Variants in LRRIQ1 observed in about 807,000 individuals in gnomAD.
LRRIQ1 encodes the protein leucine-rich repeat- and IQ domain-containing protein 1.
In LRRIQ1, 210 loss-of-function variants were observed where a neutral mutation model predicts 211.9. The observed-to-expected ratio is 0.99, with a 90% CI of 0.89 to 1.11. The LOEUF (loss-of-function observed/expected upper bound fraction) is 1.11. Among genes scored for constraint, LRRIQ1 ranks in the 50% most tolerant of loss-of-function variants. LRRIQ1 has a pLI of 0.00. For synonymous variants in LRRIQ1, 699 were observed against 650.1 expected (o/e 1.08, Z -1.14); for missense variants, 2,136 against 1,939.5 (o/e 1.10, Z -1.90).
At chr12:85,042,059 T>C (rs1408365716) in intron 3 of LRRIQ1, among the ~76,000 whole-genome samples, 1 of 151,962 alleles carries the variant, frequency 6.6e-6, no homozygotes, top group African/African-American at 2.4e-5. Context: ...GTTTTGTTTA[T>C]TTTTACTCAG....
chr12:85,207,419 G>A (rs1893614321), intron 24 of LRRIQ1, among the ~76,000 whole-genome samples: 1 of 152,000 alleles, frequency 6.6e-6, no homozygotes, highest in South Asian at 2.1e-4. Flanking sequence ...GTGTATTTTT[G>A]ATAACAGTCC....
chr12:85,196,375 C>A (rs1484761886), intron 24 of LRRIQ1, among the ~76,000 whole-genome samples: 1 of 152,104 alleles, frequency 6.6e-6, no homozygotes. Context: ...CCAAGTCAAT[C>A]CTAAGCCAAA....
intron 24 of LRRIQ1, among the ~76,000 whole-genome samples, chr12:85,192,658 TAA>T (rs1304444464): frequency 6.3e-5 from 5 of 79,944 alleles, no homozygotes; most frequent in East Asian, 6.2e-4. Context: ...ACTATAATTA[TAA>T]ATATATAGTT....
At chr12:85,104,563 TTTTTTCTACAACTTTC>T (rs1373221627) in intron 14 of LRRIQ1, among the ~76,000 whole-genome samples, 4 of 151,960 alleles carry the variant, frequency 2.6e-5, no homozygotes, top group African/African-American at 9.7e-5. Flanking sequence ...GTACATTCCT[TTTTTTCTACAACTTTC>T]TTTGTGTGAT....
At chr12:85,066,015 A>T (rs1413373742) in intron 9 of LRRIQ1, among the ~76,000 whole-genome samples, 1 of 151,920 alleles carries the variant, frequency 6.6e-6, no homozygotes, top group Non-Finnish European at 1.5e-5. Flanking sequence ...ACATCTGCTT[A>T]CATCATGTTG....
chr12:85,229,674 A>T (rs753622664), intron 25 of LRRIQ1, 25 bp downstream of exon 25: 36 of 1,598,758 alleles, frequency 2.3e-5, no homozygotes, highest in Middle Eastern at 1.7e-4. Flanking sequence ...TCTAAATTAG[A>T]TTTTTGTATT....
intron 11 of LRRIQ1, among the ~76,000 whole-genome samples, chr12:85,081,723 CTTTTT>C (rs766961193): frequency 3.4e-4 from 39 of 113,418 alleles, no homozygotes; most frequent in African/African-American, 7.2e-4. Flanking sequence ...TCTTCTTCTT[CTTTTT>C]TTTTTTTTTT....
chr12:85,038,605 T>G (rs540003699), intron 2 of LRRIQ1, among the ~76,000 whole-genome samples: 53 of 151,838 alleles, frequency 3.5e-4, no homozygotes, highest in African/African-American at 1.2e-3. Flanking sequence ...ATGGTTACTT[T>G]TGGAAATAAA....
At chr12:85,064,638 T>G (rs548541989) in intron 8 of LRRIQ1, among the ~76,000 whole-genome samples, 2 of 151,844 alleles carry the variant, frequency 1.3e-5, no homozygotes, top group South Asian at 4.1e-4. Context: ...AAAAATATAT[T>G]ATCAGTTTCA....
At chr12:85,213,228 TG>T (rs781345164) in intron 24 of LRRIQ1, among the ~76,000 whole-genome samples, 2 of 151,428 alleles carry the variant, frequency 1.3e-5, no homozygotes, top group Non-Finnish European at 3.0e-5. Flanking sequence ...AAATACACAT[TG>T]GGGGGAAAAA....
At chr12:85,246,591 A>C (rs1895725858), downstream of LRRIQ1, among the ~76,000 whole-genome samples, 1 of 151,498 alleles carries the variant, frequency 6.6e-6, no homozygotes, top group Non-Finnish European at 1.5e-5. Flanking sequence ...ATTCACTTAC[A>C]TGATATTTAA....
chr12:85,170,877 A>G (rs1292414649), intron 24 of LRRIQ1, among the ~76,000 whole-genome samples: 4 of 152,116 alleles, frequency 2.6e-5, no homozygotes, highest in African/African-American at 9.6e-5. Flanking sequence ...GCCTAGGTCA[A>G]CTGGAAATAG....
chr12:85,247,819 C>CTT (rs879764579), downstream of LRRIQ1, among the ~76,000 whole-genome samples: 13 of 144,838 alleles, frequency 9.0e-5, no homozygotes, highest in Middle Eastern at 3.4e-3. Flanking sequence ...GAGGAGTATA[C>CTT]TTTGAACATA....
chr12:85,199,987 A>G (rs1893211849), intron 24 of LRRIQ1, among the ~76,000 whole-genome samples: 1 of 152,088 alleles, frequency 6.6e-6, no homozygotes, highest in Non-Finnish European at 1.5e-5. Context: ...TTAAAATAGT[A>G]TTTCCTAATT....
At chr12:85,150,442 G>A (rs1401836701) in intron 19 of LRRIQ1, among the ~76,000 whole-genome samples, 1 of 151,636 alleles carries the variant, frequency 6.6e-6, no homozygotes, top group Non-Finnish European at 1.5e-5. Context: ...TAACAGAAAA[G>A]TCATTAGATT....
At chr12:85,177,644 G>A (rs1891775554) in intron 24 of LRRIQ1, among the ~76,000 whole-genome samples, 1 of 151,984 alleles carries the variant, frequency 6.6e-6, no homozygotes, top group African/African-American at 2.4e-5. Context: ...TAAGGCACAG[G>A]GCAATTTTAG....
At chr12:85,214,571 C>G (rs904854445) in intron 24 of LRRIQ1, among the ~76,000 whole-genome samples, 22 of 151,810 alleles carry the variant, frequency 1.4e-4, no homozygotes, top group African/African-American at 5.1e-4. Flanking sequence ...AGCGGGAGAG[C>G]CAAGACAGAG....
chr12:85,149,796 T>C (rs1160489176), intron 19 of LRRIQ1, among the ~76,000 whole-genome samples: 1 of 151,808 alleles, frequency 6.6e-6, no homozygotes, highest in Admixed American at 6.6e-5. Context: ...ACCTTCTCTT[T>C]ATGCTTCTAG....
intron 3 of LRRIQ1, among the ~76,000 whole-genome samples, chr12:85,041,928 T>C (rs1311678784): frequency 6.6e-6 from 1 of 151,786 alleles, no homozygotes; most frequent in African/African-American, 2.4e-5. Flanking sequence ...TGGTACAAAA[T>C]GAAGAAAGGA....
Sources: gnomAD v4.1 joint callset for allele counts (sites outside exome capture counted in the v4.1 genomes callset) on GRCh38, gnomAD v4.1.1 for gene constraint, MANE v1.5 for transcripts, NCBI Gene and HGNC (gene_info 2026-07-23, HGNC 2026-07-21) for gene names.